The following ARMCX6 variants were observed in gnomAD, a reference collection of about 807,000 sequenced individuals.
ARMCX6 encodes protein ARMCX6.
For synonymous variants in ARMCX6, 85 were observed against 70.3 expected, an observed-to-expected ratio of 1.21 and a Z score of -1.05; for missense variants, 194 against 186.0, an observed-to-expected ratio of 1.04 and a Z score of -0.25.
Position 101,616,672 on chromosome X carries a change from C to T in ARMCX6, c.-52G>A, listed in dbSNP as rs781901577. ...AGGACAGGAGAGGGCCTTGCTCCACCTGATTGAAGAGGTCTCTCAGGTCCA... is the reference window on the plus strand; with the variant it reads ...AGGACAGGAGAGGGCCTTGCTCCACTTGATTGAAGAGGTCTCTCAGGTCCA... On this transcript the variant is annotated 5_prime_UTR_variant, in exon 3 of 3. Transcript: ENST00000361910. The T allele has an allele frequency of 5.1e-6, 6 of 1,168,390 alleles. No homozygotes were observed. The Admixed American group carries it at 1.2e-4, about 24-fold the overall frequency.
At position 101,616,166 on chromosome X, in the gene ARMCX6, T is replaced by C. The variant is rs149762867; in HGVS notation, c.455A>G (p.Asp152Gly). 480 of 1,201,033 alleles carry C rather than the reference T, an allele frequency of 4.0e-4. 1 individual carries two copies. In the African/African-American group the frequency reaches 7.9e-3, roughly 20 times the overall value. ...PKDAGFPFSQ[D>G]INSHLASLSM... ...GAGGCTGGCCAAATGGCTATTGATA[T>C]CCTGGCTAAATGGAAAGCCCGCATC... Residue 152 changes from aspartate to glycine, a missense_variant, in exon 3 of 3, where the codon GAT (aspartate) becomes GGT (glycine). Coordinates refer to ENST00000361910, the MANE Select transcript of ARMCX6 (RefSeq NM_019007.4).
chrX:101,615,772 G>A lies in ARMCX6; in HGVS notation c.849C>T (p.Ser283=). The part of the protein sequence containing the change: ...VGAQMLFSFM[S]LFIRNGNREI... ...CTCTGTTTCCATTTCTGATAAAGAG[G>A]GACATGAATGAGAAGAGCATCTGGG... The change falls in exon 3 of 3, where the codon TCC becomes TCT. Residue 283 remains serine, a synonymous_variant. Coordinates refer to ENST00000361910, the MANE Select transcript of ARMCX6 (RefSeq NM_019007.4). The A allele has an allele frequency of 4.3e-6, 1 of 234,508 alleles. No homozygotes were observed. Among genetic ancestry groups the A allele is most frequent in the Non-Finnish European group, 6.9e-6 (1 of 144,215 alleles). 19.3% of individuals were successfully genotyped at this position (234,508 alleles called of 1,213,427 possible). A position where few individuals can be genotyped will look rare whatever the true frequency, so the allele number is the denominator to read the frequency against.
In ARMCX6 at chrX:101,616,392, C is replaced by G; in HGVS notation, c.229G>C (p.Glu77Gln). Reference protein sequence around the residue: ...RPWTEDGDWTEPGAPGGTEDR... With the variant: ...RPWTEDGDWTQPGAPGGTEDR... ...TCAGTGCCACCTGGGGCCCCAGGTTCAGTCCAATCCCCATCCTCAGTCCAG... is the reference window on the plus strand; with the variant it reads ...TCAGTGCCACCTGGGGCCCCAGGTTGAGTCCAATCCCCATCCTCAGTCCAG... Residue 77 changes from glutamate to glutamine, a missense_variant, in exon 3 of 3, where the codon GAA becomes CAA. Coordinates refer to ENST00000361910, the MANE Select transcript of ARMCX6 (RefSeq NM_019007.4). The G allele has an allele frequency of 8.3e-7, 1 of 1,211,748 alleles. No individual in the cohort carries two copies. Among genetic ancestry groups the G allele is most frequent in the Non-Finnish European group, 1.1e-6 (1 of 895,480 alleles).
chrX:101,616,847 A>T, intron 2 of ARMCX6, 81 bp from the exon 3 acceptor site: 1 of 491,300 alleles, frequency 2.0e-6, no homozygotes, highest in South Asian at 7.3e-5. Flanking sequence ...CGAGTTGGTG[A>T]TAAAGGCAGA....
chrX:101,616,316 T>G lies in ARMCX6; in HGVS notation c.305A>C (p.Gln102Pro). Residue 102 changes from glutamine to proline, a missense_variant, in exon 3 of 3, where the codon CAG becomes CCG. Gln to Pro is a moderately conservative substitution (Grantham distance 76). Transcript: ENST00000361910. ...TTTATGTTCATAGGGGAATGGCCGC[T>G]GTTTTATTGGGTGTGCTCGGTTGGC... ...GKANRAHPIK[Q>P]RPFPYEHKNT... 2 of 1,211,938 alleles carry G rather than the reference T, an allele frequency of 1.7e-6. No homozygotes were observed. The highest frequency in any genetic ancestry group is 2.2e-6 in the Non-Finnish European group (2 of 895,587).
rs782499379 is a variant in ARMCX6 at position 101,616,570 on chromosome X, C to G, written c.51G>C (p.Gly17=). Residue 17 remains glycine (G), a synonymous_variant, in exon 3 of 3, where the codon GGG becomes GGC. Transcript: ENST00000361910. Reference sequence around the variant, plus strand: ...TGTAAACGCAGTAGCAGGCACCAGCCCCAATCATCAGTCCTGCCGCCATCC... The same window carrying G: ...TGTAAACGCAGTAGCAGGCACCAGCGCCAATCATCAGTCCTGCCGCCATCC... ...VGWMAAGLMI[G]AGACYCVYKL... The G allele has an allele frequency of 2.5e-6, 3 of 1,210,572 alleles. No individual in the cohort carries two copies. The highest frequency in any genetic ancestry group is 3.4e-6 in the Non-Finnish European group (3 of 895,271).
Position 101,616,606 on chromosome X carries a change from C to T in ARMCX6, c.15G>A (p.Arg5=), listed in dbSNP as rs1935818690. The T allele has an allele frequency of 1.7e-6, 2 of 1,208,038 alleles. No homozygotes were observed. Among genetic ancestry groups the T allele is most frequent in the South Asian group, 1.8e-5 (1 of 56,506 alleles). The change falls in exon 3 of 3, where the codon CGG becomes CGA. Residue 5 remains arginine, a synonymous_variant. Coordinates refer to ENST00000361910, the MANE Select transcript of ARMCX6 (RefSeq NM_019007.4). ...GTCCTGCCGCCATCCAACCCACTTC[C>T]CGAGCCCGGCCCATGCTCAAGTCTG... MGRA[R]EVGWMAAGLM...
In ARMCX6 at chrX:101,616,542, G is replaced by A; in HGVS notation, c.79C>T (p.Leu27=). The A allele has an allele frequency of 8.2e-7, 1 of 1,212,124 alleles. No homozygotes were observed. Among genetic ancestry groups the A allele is most frequent in the South Asian group, 1.8e-5 (1 of 57,005 alleles). ...TCACTGTCATCTCTTCCTATGGTCA[G>A]TTTGTAAACGCAGTAGCAGGCACCA... is the stretch of plus-strand genomic sequence containing the variant. The part of the protein sequence containing the change: ...GAGACYCVYK[L]TIGRDDSEKL... Residue 27 remains leucine, a synonymous_variant, in exon 3 of 3, where the codon CTG becomes TTG. Transcript: ENST00000361910.
At chrX:101,617,365 C>T (rs1309359557) in intron 2 of ARMCX6, 138 bp downstream of exon 2, 2 of 111,676 alleles carry the variant, frequency 1.8e-5, no homozygotes, top group African/African-American at 6.5e-5. Flanking sequence ...CACCCCTTTC[C>T]CTGCACTGAA....
In ARMCX6 at chrX:101,616,335, G is replaced by C; in HGVS notation, c.286C>G (p.Arg96Gly). ...DRPSGGGKAN[R>G]AHPIKQRPFP... ...GGCCGCTGTTTTATTGGGTGTGCTC[G>C]GTTGGCCTTGCCTCCCCCTGAGGGC... The change falls in exon 3 of 3, where the codon CGA (arginine) becomes GGA (glycine). Residue 96 changes from arginine (R) to glycine (G), a missense_variant. Physicochemically the swap from Arg to Gly is moderately radical, Grantham distance 125 (BLOSUM62 -2). Transcript: ENST00000361910. The C allele has an allele frequency of 8.3e-7, 1 of 1,211,433 alleles. No homozygotes were observed. Among genetic ancestry groups the C allele is most frequent in the Non-Finnish European group, 1.1e-6 (1 of 895,433 alleles).
At chrX:101,616,795 G>T in intron 2 of ARMCX6, 29 bp from the exon 3 acceptor site, 1 of 906,298 alleles carries the variant, frequency 1.1e-6, no homozygotes, top group East Asian at 3.5e-5. Context: ...ATTAGGGCTC[G>T]GGACTATGTT....
At chrX:101,616,921 C>G in intron 2 of ARMCX6, 155 bp from the exon 3 acceptor site, 2 of 291,977 alleles carry the variant, frequency 6.8e-6, no homozygotes. Context: ...TCAGGAGCCC[C>G]CATTTCTCTT....
rs148949675 is a variant in ARMCX6, at chrX:101,616,187, G to T, written c.434C>A (p.Ala145Glu). 2 of 1,204,728 alleles carry T rather than the reference G, an allele frequency of 1.7e-6. No homozygotes were observed. The highest frequency in any genetic ancestry group is 3.6e-5 in the African/African-American group (2 of 55,372). ...GKLLFAEPKD[A>E]GFPFSQDINS... ...GATATCCTGGCTAAATGGAAAGCCCGCATCCTTGGGCTCGGCAAACAACAG... is the reference window on the plus strand; with the variant it reads ...GATATCCTGGCTAAATGGAAAGCCCTCATCCTTGGGCTCGGCAAACAACAG... Residue 145 changes from alanine to glutamate, a missense_variant, in exon 3 of 3, where the codon GCG becomes GAG. Transcript: ENST00000361910.
At position 101,616,238 on chromosome X, in the gene ARMCX6, G is replaced by A; in HGVS notation, c.383C>T (p.Ser128Phe). The change falls in exon 3 of 3, where the codon TCC becomes TTC. Residue 128 changes from serine to phenylalanine, a missense_variant. Physicochemically the swap from Ser to Phe is radical, Grantham distance 155. Coordinates refer to ENST00000361910, the MANE Select transcript of ARMCX6 (RefSeq NM_019007.4). Reference sequence around the variant, plus strand: ...TTTTCCCTGAATGAAAAGACACTTGGAGAGGTCCAGAACACAACTGCCATT... The same window carrying A: ...TTTTCCCTGAATGAAAAGACACTTGAAGAGGTCCAGAACACAACTGCCATT... ...CKNGSCVLDL[S>F]KCLFIQGKLL... The A allele has an allele frequency of 1.7e-6, 2 of 1,211,495 alleles. No homozygotes were observed. Among genetic ancestry groups the A allele is most frequent in the Non-Finnish European group, 2.2e-6 (2 of 895,517 alleles).
chrX:101,616,471 C>G lies in ARMCX6; in HGVS notation c.150G>C (p.Glu50Asp), dbSNP rs377706112. ...EGEEEWDDDQ[E>D]LDEEEPDIWF... ...AAATATCAGGCTCCTCCTCATCCAG[C>G]TCCTGGTCATCGTCCCACTCCTCTT... The change falls in exon 3 of 3, where the codon GAG becomes GAC. Residue 50 changes from glutamate (E) to aspartate (D), a missense_variant. By Grantham distance (45) the Glu-to-Asp change is conservative (BLOSUM62 2). Transcript: ENST00000361910. 4 of 1,211,847 alleles carry G rather than the reference C, an allele frequency of 3.3e-6. No individual in the cohort carries two copies. The highest frequency in any genetic ancestry group is 3.5e-5 in the South Asian group (2 of 56,986).
intron 2 of ARMCX6, 128 bp downstream of exon 2, chrX:101,617,375 A>C (rs782268634): frequency 1.8e-5 from 2 of 111,390 alleles, no homozygotes; most frequent in South Asian, 7.6e-4. Flanking sequence ...CCTGCACTGA[A>C]ATGGGAGTGG....
chrX:101,617,020 C>T lies in ARMCX6; in HGVS notation c.-146-254G>A, dbSNP rs1228596696. ...TGAGTACCTCTCAGGTAGTCTCCTA[C>T]ACCAGACCTCCACCCCCAAAGATTA... On this transcript the variant is annotated intron_variant, in intron 2 of 2. Coordinates refer to ENST00000361910, the MANE Select transcript of ARMCX6 (RefSeq NM_019007.4). The T allele has an allele frequency of 2.1e-5, 3 of 146,130 alleles. No homozygotes were observed. The East Asian group carries it at 5.2e-4, about 25-fold the overall frequency. The allele number at this position is 146,130 out of a possible 1,213,427, so 12.0% of individuals were successfully genotyped here. A position where few individuals can be genotyped will look rare whatever the true frequency, so the allele number is the denominator to read the frequency against.
chrX:101,616,624 C>G lies in ARMCX6; in HGVS notation c.-4G>C. The G allele has an allele frequency of 1.7e-6, 2 of 1,203,695 alleles. No homozygotes were observed. The highest frequency in any genetic ancestry group is 2.2e-6 in the Non-Finnish European group (2 of 890,130). On this transcript the variant is annotated 5_prime_UTR_variant, in exon 3 of 3. Transcript: ENST00000361910. ...CCACTTCCCGAGCCCGGCCCATGCT[C>G]AAGTCTGTGCCAGCCTTGGGGCAGG...
rs1935791529 is a variant in ARMCX6 at position 101,615,809 on chromosome X, T to C, written c.812A>G (p.Glu271Gly). 2.8e-5 allele frequency: 8 copies of C among 286,692 alleles called. No homozygotes were observed. In the East Asian group the frequency reaches 3.6e-4, roughly 13 times the overall value. 23.6% of individuals were successfully genotyped at this position (286,692 alleles called of 1,213,427 possible). The part of the protein sequence containing the change: ...GLSEKPVLAG[E>G]LVGAQMLFSF... ...GAAGAGCATCTGGGCACCGACTAAC[T>C]CCCCCGCCAAGACTGGCTTTTCAGA... is the stretch of plus-strand genomic sequence containing the variant. The change falls in exon 3 of 3, where the codon GAG becomes GGG. Residue 271 changes from glutamate to glycine, a missense_variant. Transcript: ENST00000361910.
Sources: gnomAD v4.1 joint callset for allele counts on GRCh38, gnomAD v4.1.1 for gene constraint, MANE v1.5 for transcripts, NCBI Gene and HGNC (gene_info 2026-07-23, HGNC 2026-07-21) for gene names.